Variants in LMNTD1 observed in about 807,000 individuals in gnomAD.
LMNTD1 encodes the protein lamin tail domain containing 1, also known as lamin tail domain-containing protein 1.
Under a neutral mutation model 50.9 loss-of-function variants are expected in LMNTD1, and 35 were observed. That is an observed-to-expected ratio of 0.69 (90% CI 0.53 to 0.91). The LOEUF (loss-of-function observed/expected upper bound fraction) is 0.91. Among genes scored for constraint, LMNTD1 ranks in the 40% least tolerant of loss-of-function variants. The pLI is 0.00. For synonymous variants in LMNTD1, 153 were observed against 161.9 expected, an observed-to-expected ratio of 0.94 and a Z score of 0.42; for missense variants, 470 against 475.5, an observed-to-expected ratio of 0.99 and a Z score of 0.11.
chr12:25,567,155 T>C (rs1374459950), intron 1 of LMNTD1, among the ~76,000 whole-genome samples: 1 of 152,208 alleles, frequency 6.6e-6, no homozygotes. Flanking sequence ...TGAGATAGAA[T>C]AAGAAAATTC....
At chr12:25,516,967 T>G (rs554070267) in intron 8 of LMNTD1, among the ~76,000 whole-genome samples, 2 of 150,578 alleles carry the variant, frequency 1.3e-5, no homozygotes, top group African/African-American at 2.4e-5. Context: ...ATGCTCACCA[T>G]CACTGGCCAT....
In LMNTD1 at chr12:25,482,795, G is replaced by A. The variant is rs554190378; in HGVS notation, c.*23-6335C>T. ...CTGCCTCTCACTTGAAGAGGCACAC[G>A]CTTAGGAAACAGCTGTTGACAATTA... is the stretch of plus-strand genomic sequence containing the variant. On this transcript the variant is annotated intron_variant, in intron 9 of 9. Transcript: ENST00000458174. Among the ~76,000 whole-genome samples, 21 of 152,024 alleles carry A rather than the reference G, an allele frequency of 1.4e-4. 1 individual carries two copies. The South Asian group carries it at 4.1e-3, about 30-fold the overall frequency.
At chr12:25,558,607 T>G (rs1458838421) in intron 1 of LMNTD1, among the ~76,000 whole-genome samples, 1 of 152,208 alleles carries the variant, frequency 6.6e-6, no homozygotes, top group Non-Finnish European at 1.5e-5. Context: ...TATCCGACAC[T>G]GGGTAATTTA....
intron 1 of LMNTD1, among the ~76,000 whole-genome samples, chr12:25,620,261 A>G (rs557809670): frequency 6.6e-6 from 1 of 152,294 alleles, no homozygotes; most frequent in African/African-American, 2.4e-5. Flanking sequence ...TCAACAAAAA[A>G]AGGCCTTTTT....
At chr12:25,531,936 C>T (rs1942252974) in intron 4 of LMNTD1, among the ~76,000 whole-genome samples, 1 of 150,502 alleles carries the variant, frequency 6.6e-6, no homozygotes. Flanking sequence ...ATATTAATTT[C>T]CGTTACTGGA....
At chr12:25,478,488 C>A (rs970646303) in intron 9 of LMNTD1, among the ~76,000 whole-genome samples, 1 of 152,110 alleles carries the variant, frequency 6.6e-6, no homozygotes, top group Non-Finnish European at 1.5e-5. Context: ...TGTATACATG[C>A]ACAAACAAGT....
chr12:25,481,486 C>G (rs1180899363), intron 9 of LMNTD1, among the ~76,000 whole-genome samples: 1 of 151,884 alleles, frequency 6.6e-6, no homozygotes, highest in Non-Finnish European at 1.5e-5. Flanking sequence ...GTACAACCAC[C>G]AAAGTATTTT....
intron 1 of LMNTD1, among the ~76,000 whole-genome samples, chr12:25,609,453 T>C (rs966382556): frequency 6.6e-6 from 1 of 152,220 alleles, no homozygotes; most frequent in Non-Finnish European, 1.5e-5. Context: ...CTCTTCTTTG[T>C]GGTTTTATCT....
At chr12:25,478,260 T>C (rs1938335965) in intron 9 of LMNTD1, among the ~76,000 whole-genome samples, 1 of 152,140 alleles carries the variant, frequency 6.6e-6, no homozygotes, top group African/African-American at 2.4e-5. Flanking sequence ...CCTGAGATCA[T>C]ACATAATCTT....
chr12:25,648,287 G>C (rs773746265), intron 1 of LMNTD1, among the ~76,000 whole-genome samples: 3 of 152,046 alleles, frequency 2.0e-5, no homozygotes, highest in Non-Finnish European at 4.4e-5. Context: ...AAAATCGTCT[G>C]TACAATGTTT....
intron 1 of LMNTD1, among the ~76,000 whole-genome samples, chr12:25,642,512 G>A (rs1287107722): frequency 1.3e-5 from 2 of 152,158 alleles, no homozygotes; most frequent in Non-Finnish European, 2.9e-5. Flanking sequence ...AGAAAGAAAT[G>A]TTTGTCGTTT....
intron 3 of LMNTD1, chr12:25,547,231 A>G: frequency 1.0e-6 from 1 of 953,360 alleles, no homozygotes; most frequent in African/African-American, 1.8e-5. Flanking sequence ...TTACATTACA[A>G]AGACGCGTCG....
chr12:25,532,862 T>C (rs755637210), intron 4 of LMNTD1, among the ~76,000 whole-genome samples: 6 of 152,054 alleles, frequency 3.9e-5, no homozygotes, highest in Non-Finnish European at 7.4e-5. Context: ...AGGATGTTTT[T>C]ATTTTTTGAC....
intron 2 of LMNTD1, among the ~76,000 whole-genome samples, chr12:25,551,344 C>A (rs1401151298): frequency 6.6e-6 from 1 of 152,078 alleles, no homozygotes; most frequent in African/African-American, 2.4e-5. Flanking sequence ...TGTCCTGGAG[C>A]TATAGGGTGT....
intron 1 of LMNTD1, among the ~76,000 whole-genome samples, chr12:25,638,704 T>C (rs1218890163): frequency 6.6e-6 from 1 of 152,098 alleles, no homozygotes. Flanking sequence ...TGGAACACAT[T>C]GCATGTTGAT....
intron 1 of LMNTD1, among the ~76,000 whole-genome samples, chr12:25,574,691 C>T (rs1027183423): frequency 4.6e-5 from 7 of 152,084 alleles, no homozygotes; most frequent in African/African-American, 1.2e-4. Flanking sequence ...ATTTCATTAC[C>T]GTTGTTTTTG....
chr12:25,515,102 T>C (rs939993433), intron 8 of LMNTD1, among the ~76,000 whole-genome samples: 2 of 152,112 alleles, frequency 1.3e-5, no homozygotes, highest in African/African-American at 4.8e-5. Flanking sequence ...AAAGGAACCT[T>C]TGTATGTATG....
chr12:25,609,368 C>T lies in LMNTD1; in HGVS notation c.58+39126G>A, dbSNP rs181578365. 1.5e-3 allele frequency among the ~76,000 whole-genome samples: 227 copies of T among 152,214 alleles called. 1 individual carries two copies. The highest frequency in any genetic ancestry group is 5.2e-3 in the African/African-American group (217 of 41,540). On this transcript the variant is annotated intron_variant, in intron 1 of 7. Transcript: ENST00000445693. ...CTCCGTCCAGCTTTGTTCCATTGCT[C>T]GTGAGGAGCTGCAATCCTTTAGAGA...
chr12:25,547,660 A>G (rs1943514044), intron 3 of LMNTD1, among the ~76,000 whole-genome samples: 1 of 151,810 alleles, frequency 6.6e-6, no homozygotes, highest in African/African-American at 2.4e-5. Flanking sequence ...TTGGAATTAC[A>G]TTAGTTCATT....
Sources: allele counts gnomAD v4.1 joint callset (sites outside exome capture counted in the v4.1 genomes callset), GRCh38; gene constraint gnomAD v4.1.1; transcripts MANE v1.5; gene names NCBI Gene and HGNC (gene_info 2026-07-23, HGNC 2026-07-21).